TAFA1: variants seen among roughly 807,000 people sequenced by gnomAD.
TAFA1 encodes TAFA chemokine like family member 1.
TAFA1 carries 4 observed loss-of-function variants against 18.5 expected under a neutral mutation model. The ratio of observed to expected loss-of-function variants is 0.22; its 90% CI spans 0.11 to 0.49. TAFA1 has a LOEUF of 0.49. Among genes scored for constraint, TAFA1 ranks in the 20% least tolerant of loss-of-function variants. TAFA1 has a pLI of 0.98. For missense variants in TAFA1, 147 were observed against 169.0 expected, an observed-to-expected ratio of 0.87 and a Z score of 0.72; for synonymous variants, 56 against 55.2, an observed-to-expected ratio of 1.01 and a Z score of -0.06.
chr3:68,004,050 C>T (rs2106763238), upstream of TAFA1, among the ~76,000 whole-genome samples: 1 of 152,296 alleles, frequency 6.6e-6, no homozygotes, highest in Non-Finnish European at 1.5e-5. Flanking sequence ...CTTGTTTCTC[C>T]TTCCCTCTTT....
At chr3:68,179,007 G>GT (rs886834634) in intron 2 of TAFA1, among the ~76,000 whole-genome samples, 1 of 152,140 alleles carries the variant, frequency 6.6e-6, no homozygotes, top group African/African-American at 2.4e-5. Context: ...GATATTGTAT[G>GT]TTTTTACTGT....
chr3:68,496,574 C>A (rs1189610279), intron 3 of TAFA1, among the ~76,000 whole-genome samples: 2 of 152,128 alleles, frequency 1.3e-5, no homozygotes, highest in Non-Finnish European at 2.9e-5. Flanking sequence ...GTCCATCCAG[C>A]CCAGTTGAAC....
At chr3:68,124,682 C>T (rs1271678058) in intron 2 of TAFA1, among the ~76,000 whole-genome samples, 3 of 152,148 alleles carry the variant, frequency 2.0e-5, no homozygotes, top group Non-Finnish European at 2.9e-5. Context: ...CTTTAGTGCC[C>T]ATGTTGCAGA....
intron 3 of TAFA1, among the ~76,000 whole-genome samples, chr3:68,471,701 G>C (rs1370642992): frequency 1.3e-5 from 2 of 152,174 alleles, no homozygotes; most frequent in Non-Finnish European, 2.9e-5. Context: ...GGGTGGATCT[G>C]TGTCTCCCAG....
intron 2 of TAFA1, among the ~76,000 whole-genome samples, chr3:68,234,894 G>A (rs925225424): frequency 6.6e-6 from 1 of 152,140 alleles, no homozygotes; most frequent in African/African-American, 2.4e-5. Context: ...ATTTGATACA[G>A]CTTTCTGTGA....
chr3:68,005,476 A>G (rs1704341632), intron 1 of TAFA1, among the ~76,000 whole-genome samples: 2 of 152,236 alleles, frequency 1.3e-5, no homozygotes. Context: ...AGCGTGCATT[A>G]TGTGCATACA....
In TAFA1 at chr3:68,057,786, G is replaced by A. The variant is rs186952582; in HGVS notation, c.118+51042G>A. Among the ~76,000 whole-genome samples the A allele has an allele frequency of 2.4e-3, 364 of 152,282 alleles. 3 individuals carry two copies. The highest frequency in any genetic ancestry group is 8.2e-3 in the African/African-American group (341 of 41,564). On this transcript the variant is annotated intron_variant, in intron 2 of 4. Coordinates refer to ENST00000478136, the MANE Select transcript of TAFA1 (RefSeq NM_213609.4). The stretch of plus-strand genomic sequence containing the variant: ...TGAGAGTCAGAGAAGGAAATGTGAC[G>A]ACAGAAGCAGTGGGTGGAGTGGCAC...
At chr3:68,224,209 A>G (rs2107100193) in intron 2 of TAFA1, among the ~76,000 whole-genome samples, 2 of 152,236 alleles carry the variant, frequency 1.3e-5, no homozygotes, top group Admixed American at 1.3e-4. Context: ...AGGCAAATTT[A>G]AGACATCCTT....
chr3:68,457,369 T>C (rs939287356), intron 3 of TAFA1, among the ~76,000 whole-genome samples: 8 of 152,346 alleles, frequency 5.3e-5, no homozygotes, highest in African/African-American at 1.7e-4. Context: ...TCTCTAAATA[T>C]ATGTTATGCA....
intron 2 of TAFA1, among the ~76,000 whole-genome samples, chr3:68,171,998 G>T (rs2066059901): frequency 6.6e-6 from 1 of 152,114 alleles, no homozygotes; most frequent in East Asian, 1.9e-4. Flanking sequence ...ATAGATGATT[G>T]AGTCTAGAAG....
intron 2 of TAFA1, among the ~76,000 whole-genome samples, chr3:68,343,668 AC>A (rs2069120910): frequency 6.6e-6 from 1 of 152,148 alleles, no homozygotes; most frequent in African/African-American, 2.4e-5. Context: ...TCAGGTTCAA[AC>A]TATATCTCTG....
At chr3:68,263,772 A>G (rs895193872) in intron 2 of TAFA1, among the ~76,000 whole-genome samples, 2 of 152,024 alleles carry the variant, frequency 1.3e-5, no homozygotes, top group Non-Finnish European at 2.9e-5. Flanking sequence ...TCCTTAGTCT[A>G]TGGTCTAGGT....
intron 3 of TAFA1, among the ~76,000 whole-genome samples, chr3:68,459,352 A>T (rs2071730433): frequency 6.6e-6 from 1 of 152,206 alleles, no homozygotes; most frequent in Non-Finnish European, 1.5e-5. Context: ...TAACATTAAG[A>T]GCACTTGAAG....
chr3:68,446,665 T>C (rs768302628), intron 3 of TAFA1, among the ~76,000 whole-genome samples: 4 of 152,324 alleles, frequency 2.6e-5, no homozygotes, highest in East Asian at 1.9e-4. Context: ...CTCAAACTTA[T>C]GGCTTCTAGA....
chr3:68,363,628 T>A (rs879779165), intron 2 of TAFA1, among the ~76,000 whole-genome samples: 4 of 152,134 alleles, frequency 2.6e-5, no homozygotes, highest in African/African-American at 4.8e-5. Flanking sequence ...AAATACAATT[T>A]GAAGGAAGCA....
At chr3:68,495,533 C>T (rs1374023236) in intron 3 of TAFA1, among the ~76,000 whole-genome samples, 1 of 152,102 alleles carries the variant, frequency 6.6e-6, no homozygotes, top group Non-Finnish European at 1.5e-5. Flanking sequence ...AAGTCCTTGG[C>T]CTTACATTTA....
At chr3:68,370,950 T>A (rs1454346254) in intron 2 of TAFA1, among the ~76,000 whole-genome samples, 1 of 152,064 alleles carries the variant, frequency 6.6e-6, no homozygotes, top group Non-Finnish European at 1.5e-5. Flanking sequence ...TTTCTACATT[T>A]AACTGTTTTT....
At chr3:68,162,595 A>ACTCT (rs1189407281) in intron 2 of TAFA1, among the ~76,000 whole-genome samples, 1 of 151,792 alleles carries the variant, frequency 6.6e-6, no homozygotes, top group Admixed American at 6.6e-5. Context: ...AACTAAGTTT[A>ACTCT]CTCTCTCTCT....
intron 2 of TAFA1, among the ~76,000 whole-genome samples, chr3:68,415,114 A>G (rs1159373681): frequency 6.6e-6 from 1 of 152,210 alleles, no homozygotes; most frequent in African/African-American, 2.4e-5. Flanking sequence ...GCACTCTTCC[A>G]TGAACAAGTT....
Sources: gnomAD v4.1 joint callset for allele counts (sites outside exome capture counted in the v4.1 genomes callset) on GRCh38, gnomAD v4.1.1 for gene constraint, MANE v1.5 for transcripts, NCBI Gene and HGNC (gene_info 2026-07-23, HGNC 2026-07-21) for gene names.